Variants in PTPN12 observed in about 807,000 individuals in gnomAD.
The protein encoded by PTPN12 is protein tyrosine phosphatase non-receptor type 12.
In PTPN12, 29 loss-of-function variants were observed where a neutral mutation model predicts 97.6. That is an observed-to-expected ratio of 0.30 (90% CI 0.22 to 0.41). The LOEUF (loss-of-function observed/expected upper bound fraction) is 0.41, where lower values mean the gene tolerates loss of function less well. PTPN12 is among the 10% of genes least tolerant of loss of function. The pLI is 1.00. For synonymous variants in PTPN12, 327 were observed against 300.4 expected (o/e 1.09, Z -0.91); for missense variants, 819 against 926.0 (o/e 0.88, Z 1.50).
chr7:77,573,854 A>G (rs553201954), intron 2 of PTPN12, among the ~76,000 whole-genome samples: 1 of 152,282 alleles, frequency 6.6e-6, no homozygotes, highest in South Asian at 2.1e-4. Context: ...TCTGCCTACC[A>G]GCTTCAAGCT....
intron 7 of PTPN12, 146 bp downstream of exon 7, chr7:77,598,047 G>C (rs1364252277): frequency 4.7e-6 from 5 of 1,072,350 alleles, no homozygotes; most frequent in Non-Finnish European, 6.2e-6. Context: ...GGGCAACATA[G>C]TGAGATCTTG....
intron 5 of PTPN12, among the ~76,000 whole-genome samples, chr7:77,590,291 T>G (rs1263504451): frequency 6.6e-6 from 1 of 152,250 alleles, no homozygotes; most frequent in Non-Finnish European, 1.5e-5. Flanking sequence ...AGGGGCATTG[T>G]TAGTCACACC....
At chr7:77,620,871 C>G (rs757768460) in intron 12 of PTPN12, among the ~76,000 whole-genome samples, 6 of 152,090 alleles carry the variant, frequency 3.9e-5, no homozygotes, top group Non-Finnish European at 8.8e-5. Context: ...TCGCTTGAAC[C>G]CAGGAAGCGA....
At chr7:77,546,998 C>T (rs1235637754) in intron 1 of PTPN12, among the ~76,000 whole-genome samples, 1 of 152,316 alleles carries the variant, frequency 6.6e-6, no homozygotes, top group South Asian at 2.1e-4. Flanking sequence ...ATGATAATCT[C>T]AGAGGCTTTG....
In PTPN12 at chr7:77,610,761, T is replaced by G; in HGVS notation, c.763-4T>G. ...AAGTTGATGTATTAAATTTTCTGTT[T>G]TAGAAAATACCAGAGGAATTTAATG... is the stretch of plus-strand genomic sequence containing the variant. On this transcript the variant is annotated splice_polypyrimidine_tract_variant and splice_region_variant and intron_variant, in intron 9 of 17. Transcript: ENST00000248594. 2 of 1,589,342 alleles carry G rather than the reference T, an allele frequency of 1.3e-6. No individual in the cohort carries two copies. Among genetic ancestry groups the G allele is most frequent in the East Asian group, 2.2e-5 (1 of 44,662 alleles).
At chr7:77,580,398 T>C (rs1222955875) in intron 2 of PTPN12, among the ~76,000 whole-genome samples, 1 of 152,224 alleles carries the variant, frequency 6.6e-6, no homozygotes, top group Non-Finnish European at 1.5e-5. Context: ...CAGGATATAC[T>C]ATAAACTGAA....
intron 14 of PTPN12, 27 bp downstream of exon 14, chr7:77,632,452 T>A: frequency 6.6e-7 from 1 of 1,507,078 alleles, no homozygotes; most frequent in Non-Finnish European, 9.2e-7. Context: ...CTTTTACATT[T>A]ACTTCATATT....
chr7:77,537,447 G>A lies in PTPN12; in HGVS notation c.-100G>A, dbSNP rs1244628878. The A allele has an allele frequency of 6.7e-6, 9 of 1,333,562 alleles. No individual in the cohort carries two copies. In the African/African-American group the frequency reaches 8.3e-5, roughly 12 times the overall value. 82.6% of individuals were successfully genotyped at this position (1,333,562 alleles called of 1,614,324 possible). On this transcript the variant is annotated 5_prime_UTR_variant, in exon 1 of 18. Transcript: ENST00000248594. ...GGGCTTGGCGGGGTCGGGAGGGAGG[G>A]ACGTGCTGGGGGAACGAGCTGGGGA...
At chr7:77,628,688 C>T (rs762139935) in intron 13 of PTPN12, among the ~76,000 whole-genome samples, 24 of 151,862 alleles carry the variant, frequency 1.6e-4, no homozygotes, top group Non-Finnish European at 2.9e-4. Context: ...CAGGCACCCA[C>T]TACCACACCC....
At chr7:77,589,173 A>G (rs1244257023) in intron 5 of PTPN12, among the ~76,000 whole-genome samples, 2 of 152,162 alleles carry the variant, frequency 1.3e-5, no homozygotes, top group African/African-American at 2.4e-5. Flanking sequence ...CATGTAATCC[A>G]CCGCACCAGG....
intron 12 of PTPN12, among the ~76,000 whole-genome samples, chr7:77,622,915 G>C (rs904141402): frequency 6.8e-6 from 1 of 146,614 alleles, no homozygotes; most frequent in Non-Finnish European, 1.5e-5. Context: ...TAAAGAAAAA[G>C]TAGGAGAGAA....
chr7:77,585,531 A>G lies in PTPN12; in HGVS notation c.382-12A>G. On this transcript the variant is annotated splice_polypyrimidine_tract_variant and intron_variant, in intron 4 of 17. Coordinates refer to ENST00000248594, the MANE Select transcript of PTPN12 (RefSeq NM_002835.4). ...TACGTTCTTTATCTCACTCCCCACC[A>G]TCACTTTTTAGATCATTGTAATGGC... 10 of 1,603,838 alleles carry G rather than the reference A, an allele frequency of 6.2e-6. No homozygotes were observed. The highest frequency in any genetic ancestry group is 8.5e-6 in the Non-Finnish European group (10 of 1,171,482).
At chr7:77,541,557 G>A (rs907549043) in intron 1 of PTPN12, among the ~76,000 whole-genome samples, 4 of 152,120 alleles carry the variant, frequency 2.6e-5, no homozygotes, top group Admixed American at 6.5e-5. Flanking sequence ...CTAGGTAGAC[G>A]TATATAAACA....
At chr7:77,625,514 TCTCTCTCTCA>T (rs1486710843) in intron 12 of PTPN12, among the ~76,000 whole-genome samples, 69 of 105,672 alleles carry the variant, frequency 6.5e-4, no homozygotes, top group African/African-American at 1.4e-3. Context: ...TCTCTCTCTC[TCTCTCTCTCA>T]CTCTCACTCT....
chr7:77,626,946 A>G lies in PTPN12; in HGVS notation c.1267A>G (p.Ile423Val), dbSNP rs1011720045. 1.9e-6 allele frequency: 3 copies of G among 1,612,120 alleles called. No homozygotes were observed. The highest frequency in any genetic ancestry group is 1.3e-5 in the African/African-American group (1 of 74,862). Residue 423 changes from isoleucine to valine, a missense_variant, in exon 13 of 18, where the codon ATT (isoleucine) becomes GTT (valine). Physicochemically the swap from Ile to Val is conservative, Grantham distance 29. Transcript: ENST00000248594. The stretch of plus-strand genomic sequence containing the variant: ...ACTTCCAGGGAAAAATGAATCAACA[A>G]TTGAACAGATAGATAAAAAATTGGA... ...TELPGKNEST[I>V]EQIDKKLERN...
At chr7:77,600,987 T>A in intron 8 of PTPN12, 181 bp downstream of exon 8, 1 of 555,926 alleles carries the variant, frequency 1.8e-6, no homozygotes, top group Non-Finnish European at 3.1e-6. Flanking sequence ...TAGAGTATTG[T>A]TGCATTAAAA....
chr7:77,566,896 A>G (rs1808287116), intron 1 of PTPN12, among the ~76,000 whole-genome samples: 1 of 152,062 alleles, frequency 6.6e-6, no homozygotes, highest in African/African-American at 2.4e-5. Context: ...ATGATTAAAA[A>G]TTCTTTCTTG....
intron 16 of PTPN12, 43 bp downstream of exon 16, chr7:77,637,091 A>G (rs1458237925): frequency 1.4e-6 from 2 of 1,447,956 alleles, no homozygotes; most frequent in African/African-American, 2.8e-5. Flanking sequence ...TGTAGATTTT[A>G]TTGATTAATT....
At chr7:77,586,422 A>T (rs1787693071) in intron 5 of PTPN12, among the ~76,000 whole-genome samples, 1 of 152,118 alleles carries the variant, frequency 6.6e-6, no homozygotes, top group African/African-American at 2.4e-5. Flanking sequence ...GCAATTTTTG[A>T]TAAAATACAA....
Sources: allele counts gnomAD v4.1 joint callset (sites outside exome capture counted in the v4.1 genomes callset), GRCh38; gene constraint gnomAD v4.1.1; transcripts MANE v1.5; gene names NCBI Gene and HGNC (gene_info 2026-07-23, HGNC 2026-07-21).